The following RTCB variants were observed in gnomAD, a reference collection of about 807,000 sequenced individuals.
The protein encoded by RTCB is RNA 2',3'-cyclic phosphate and 5'-OH ligase, also known as RNA-splicing ligase RTCB.
In RTCB, 32 loss-of-function variants were observed where a neutral mutation model predicts 58.2. The observed-to-expected ratio is 0.55, with a 90% CI of 0.41 to 0.74. The LOEUF (loss-of-function observed/expected upper bound fraction) is 0.74. Ranked by LOEUF, RTCB falls within the 30% of genes least tolerant of loss-of-function variation. The pLI, the probability that RTCB is intolerant of heterozygous loss-of-function variation, is 0.00. For missense variants in RTCB, 523 were observed against 639.0 expected, an observed-to-expected ratio of 0.82 and a Z score of 1.96; for synonymous variants, 247 against 218.6, an observed-to-expected ratio of 1.13 and a Z score of -1.15.
chr22:32,389,709 A>G (rs770987309), intron 11 of RTCB, among the ~76,000 whole-genome samples: 8 of 152,124 alleles, frequency 5.3e-5, no homozygotes, highest in Non-Finnish European at 1.2e-4. Flanking sequence ...TCATCTATTC[A>G]AGGACACTTC....
intron 1 of RTCB, among the ~76,000 whole-genome samples, chr22:32,410,080 T>C (rs1933494544): frequency 6.6e-6 from 1 of 152,186 alleles, no homozygotes; most frequent in Non-Finnish European, 1.5e-5. Flanking sequence ...CCTCCCAAAG[T>C]GCTGGGATTG....
Position 32,395,181 on chromosome 22 carries a change from C to T in RTCB, c.1024G>A (p.Asp342Asn), listed in dbSNP as rs1933225399. Residue 342 changes from aspartate (D) to asparagine (N), a missense_variant, in exon 9 of 12, where the codon GAC (aspartate) becomes AAC (asparagine). Coordinates refer to ENST00000216038, the MANE Select transcript of RTCB (RefSeq NM_014306.5). ...FAKVFNTTPD[D>N]LDLHVIYDVS... ...TCATAGATCACATGTAGGTCCAAGT[C>T]ATCAGGGGTTGTGTTGAAGACCTTG... 1 of 1,614,156 alleles carries T rather than the reference C, an allele frequency of 6.2e-7. No homozygotes were observed. Among genetic ancestry groups the T allele is most frequent in the Non-Finnish European group, 8.5e-7 (1 of 1,180,024 alleles).
chr22:32,391,182 T>C lies in RTCB; in HGVS notation c.1410+1058A>G, dbSNP rs78147851. Among the ~76,000 whole-genome samples, 626 of 152,306 alleles carry C rather than the reference T, an allele frequency of 4.1e-3. 2 individuals carry two copies. The highest frequency in any genetic ancestry group is 0.014 in the African/African-American group (599 of 41,562). ...AAGACACTCATTACAATTTAATTTATAGTAGCAAAAATTTGGAAGCTACTT... is the reference window on the plus strand; with the variant it reads ...AAGACACTCATTACAATTTAATTTACAGTAGCAAAAATTTGGAAGCTACTT... On this transcript the variant is annotated intron_variant, in intron 11 of 11. Transcript: ENST00000216038.
chr22:32,408,896 C>T (rs990804729), intron 1 of RTCB, 63 bp from the exon 2 acceptor site: 1 of 1,096,128 alleles, frequency 9.1e-7, no homozygotes, highest in African/African-American at 1.5e-5. Flanking sequence ...AGGCACTGGA[C>T]AGAATGCACT....
chr22:32,395,177 A>G lies in RTCB; in HGVS notation c.1028T>C (p.Leu343Ser). The G allele has an allele frequency of 6.2e-7, 1 of 1,614,242 alleles. No homozygotes were observed. Among genetic ancestry groups the G allele is most frequent in the South Asian group, 1.1e-5 (1 of 91,088 alleles). ...AKVFNTTPDD[L>S]DLHVIYDVSH... ...AACATCATAGATCACATGTAGGTCC[A>G]AGTCATCAGGGGTTGTGTTGAAGAC... Residue 343 changes from leucine (L) to serine (S), a missense_variant, in exon 9 of 12, where the codon TTG becomes TCG. Leu to Ser is a moderately radical substitution (Grantham distance 145, BLOSUM62 -2). Coordinates refer to ENST00000216038, the MANE Select transcript of RTCB (RefSeq NM_014306.5).
At chr22:32,410,541 T>C (rs1933502460) in intron 1 of RTCB, among the ~76,000 whole-genome samples, 1 of 152,088 alleles carries the variant, frequency 6.6e-6, no homozygotes, top group African/African-American at 2.4e-5. Flanking sequence ...AAAGGAAAGG[T>C]GGTAGTAAAG....
chr22:32,394,389 G>A (rs920071262), intron 9 of RTCB, among the ~76,000 whole-genome samples: 2 of 152,044 alleles, frequency 1.3e-5, no homozygotes, highest in Non-Finnish European at 2.9e-5. Context: ...GGGATTACAG[G>A]CGTAAGCCAC....
intron 11 of RTCB, among the ~76,000 whole-genome samples, chr22:32,390,135 T>C (rs935033594): frequency 3.2e-4 from 48 of 152,314 alleles, no homozygotes; most frequent in African/African-American, 1.1e-3. Flanking sequence ...CACCTTTCCT[T>C]ACCACCTTTC....
chr22:32,410,476 T>C (rs1382076206), intron 1 of RTCB, among the ~76,000 whole-genome samples: 2 of 152,194 alleles, frequency 1.3e-5, no homozygotes, highest in Non-Finnish European at 2.9e-5. Context: ...AATTCACGCT[T>C]AGAAGTCAAT....
At position 32,412,101 on chromosome 22, in the gene RTCB, C is replaced by A; in HGVS notation, c.56G>T (p.Cys19Phe). 1 of 1,609,752 alleles carries A rather than the reference C, an allele frequency of 6.2e-7. No homozygotes were observed. Among genetic ancestry groups the A allele is most frequent in the Non-Finnish European group, 8.5e-7 (1 of 1,178,954 alleles). Residue 19 changes from cysteine to phenylalanine, a missense_variant, in exon 1 of 12, where the codon TGC becomes TTC. Cys to Phe is a radical substitution (Grantham distance 205). Transcript: ENST00000216038. Reference protein sequence around the residue: ...LQFLEKINKNCWRIKKGFVPN... With the variant: ...LQFLEKINKNFWRIKKGFVPN... Reference sequence around the variant, plus strand: ...CACGAAGCCCTTCTTGATCCTCCAGCAGTTTTTATTGATCTTCTCCAAGAA... The same window carrying A: ...CACGAAGCCCTTCTTGATCCTCCAGAAGTTTTTATTGATCTTCTCCAAGAA...
In RTCB at chr22:32,387,668, A is replaced by G. The variant is rs200020011; in HGVS notation, c.*324T>C. The G allele has an allele frequency of 2.0e-4, 47 of 233,394 alleles. No individual in the cohort carries two copies. In the East Asian group the frequency reaches 4.6e-3, roughly 23 times the overall value. 14.5% of individuals were successfully genotyped at this position (233,394 alleles called of 1,614,324 possible). On this transcript the variant is annotated 3_prime_UTR_variant, in exon 12 of 12. Coordinates refer to ENST00000216038, the MANE Select transcript of RTCB (RefSeq NM_014306.5). Reference sequence around the variant, plus strand: ...GCTTGGTGTGAAGAAGATCAATCTGATGGCTAAAGATCAGTATGACTGCGT... The same window carrying G: ...GCTTGGTGTGAAGAAGATCAATCTGGTGGCTAAAGATCAGTATGACTGCGT...
chr22:32,409,860 C>T (rs1403856565), intron 1 of RTCB, among the ~76,000 whole-genome samples: 2 of 151,124 alleles, frequency 1.3e-5, no homozygotes, highest in Non-Finnish European at 2.9e-5. Context: ...CTCTGTCACC[C>T]AGGCTGGAGT....
intron 5 of RTCB, 40 bp from the exon 6 acceptor site, chr22:32,399,799 G>T: frequency 6.3e-7 from 1 of 1,585,380 alleles, no homozygotes. Context: ...TCACAGCAAA[G>T]GCAGATCAAA....
chr22:32,399,067 T>C (rs926175924), intron 6 of RTCB, among the ~76,000 whole-genome samples: 5 of 152,212 alleles, frequency 3.3e-5, no homozygotes, highest in Non-Finnish European at 5.9e-5. Flanking sequence ...TATGTATATA[T>C]GTAATTTTGA....
chr22:32,406,713 C>T lies in RTCB; in HGVS notation c.289G>A (p.Gly97Arg). The T allele has an allele frequency of 6.2e-7, 1 of 1,612,874 alleles. No homozygotes were observed. The highest frequency in any genetic ancestry group is 8.5e-7 in the Non-Finnish European group (1 of 1,179,076). The stretch of plus-strand genomic sequence containing the variant: ...TTCATATCAAAGGCTGCCATGTTCC[C>T]AATAGCAAACCCATATCCTGAATGG... ...DVHSGYGFAI[G>R]NMAAFDMNDP... Residue 97 changes from glycine (G) to arginine (R), a missense_variant, in exon 4 of 12, where the codon GGG (glycine) becomes AGG (arginine). Gly to Arg is a moderately radical substitution (Grantham distance 125, BLOSUM62 -2). Coordinates refer to ENST00000216038, the MANE Select transcript of RTCB (RefSeq NM_014306.5).
At chr22:32,388,219 C>A in intron 11 of RTCB, 120 bp from the exon 12 acceptor site, 1 of 616,284 alleles carries the variant, frequency 1.6e-6, no homozygotes, top group South Asian at 2.4e-5. Flanking sequence ...TTTTTTTTTG[C>A]CTATGAAATT....
chr22:32,400,626 G>A (rs1167705412), intron 5 of RTCB, among the ~76,000 whole-genome samples: 1 of 152,144 alleles, frequency 6.6e-6, no homozygotes, highest in African/African-American at 2.4e-5. Flanking sequence ...TTTTCAAATT[G>A]GGGCTGCATG....
At chr22:32,388,202 C>A in intron 11 of RTCB, 103 bp from the exon 12 acceptor site, 1 of 682,960 alleles carries the variant, frequency 1.5e-6, no homozygotes, top group Non-Finnish European at 2.5e-6. Context: ...TAAAATAATA[C>A]AGAGAGTTTT....
intron 11 of RTCB, among the ~76,000 whole-genome samples, chr22:32,389,896 T>C (rs1933123199): frequency 6.6e-6 from 1 of 152,198 alleles, no homozygotes; most frequent in South Asian, 2.1e-4. Context: ...CCTACCTCTC[T>C]GACCTCATCT....
Sources: gnomAD v4.1 joint callset for allele counts (sites outside exome capture counted in the v4.1 genomes callset) on GRCh38, gnomAD v4.1.1 for gene constraint, MANE v1.5 for transcripts, NCBI Gene and HGNC (gene_info 2026-07-23, HGNC 2026-07-21) for gene names.